TSHZ3: variants seen among roughly 807,000 people sequenced by gnomAD.
The protein encoded by TSHZ3 is teashirt homolog 3.
TSHZ3 carries 10 observed loss-of-function variants against 64.5 expected under a neutral mutation model. The observed-to-expected ratio is 0.16, with a 90% CI of 0.10 to 0.26. The LOEUF is 0.26. TSHZ3 is among the 10% of genes least tolerant of loss of function. TSHZ3 has a pLI of 1.00. For missense variants in TSHZ3, 1,242 were observed against 1,421.7 expected, an observed-to-expected ratio of 0.87 and a Z score of 2.03; for synonymous variants, 608 against 593.1, an observed-to-expected ratio of 1.03 and a Z score of -0.36.
intron 5 of TSHZ3, among the ~76,000 whole-genome samples, chr19:31,160,641 C>T (rs1487218571): frequency 1.3e-5 from 2 of 151,940 alleles, no homozygotes; most frequent in African/African-American, 4.8e-5. Flanking sequence ...CACACATATT[C>T]GCACACACAC....
rs781631523 is a variant in TSHZ3 at position 31,278,346 on chromosome 19, C to T, written c.1447G>A (p.Glu483Lys). Reference protein sequence around the residue: ...EVDKEKAVTDEKPKQKDKPGE... With the variant: ...EVDKEKAVTDKKPKQKDKPGE... ...GGCTTGTCTTTTTGCTTAGGTTTCT[C>T]GTCAGTGACCGCTTTCTCCTTGTCG... Residue 483 changes from glutamate to lysine, a missense_variant, in exon 2 of 2, where the codon GAG (glutamate) becomes AAG (lysine). Physicochemically the swap from Glu to Lys is moderately conservative, Grantham distance 56. This residue lies in a region of TSHZ3 where 555 missense variants were observed against 704.0 expected (regional missense o/e 0.79). Transcript: ENST00000240587. The surrounding 1 kb of genome is among the most constrained non-coding windows in gnomAD (Gnocchi z 4.7). The T allele has an allele frequency of 2.0e-5, 33 of 1,614,172 alleles. No individual in the cohort carries two copies. Among genetic ancestry groups the T allele is most frequent in the East Asian group, 6.7e-5 (3 of 44,872 alleles).
At chr19:31,283,217 CCA>C (rs1223129703) in intron 1 of TSHZ3, among the ~76,000 whole-genome samples, 3 of 152,104 alleles carry the variant, frequency 2.0e-5, no homozygotes, top group Non-Finnish European at 4.4e-5. Flanking sequence ...GCCTGCAGTC[CCA>C]GTTACTCCAG....
intron 6 of TSHZ3, among the ~76,000 whole-genome samples, chr19:31,154,628 C>T (rs2145096601): frequency 6.6e-6 from 1 of 152,298 alleles, no homozygotes; most frequent in African/African-American, 2.4e-5. Context: ...TGTTAACAGG[C>T]CCCAATCTCA....
At chr19:31,269,329 C>A (rs1053227687) in intron 1 of TSHZ3, among the ~76,000 whole-genome samples, 2 of 152,164 alleles carry the variant, frequency 1.3e-5, no homozygotes, top group African/African-American at 2.4e-5. Flanking sequence ...GAGCCGGGTC[C>A]TTCAGCTTTT....
At chr19:31,201,683 C>T (rs1161103198) in intron 5 of TSHZ3, among the ~76,000 whole-genome samples, 1 of 152,200 alleles carries the variant, frequency 6.6e-6, no homozygotes, top group East Asian at 1.9e-4. Context: ...CCACTGTATT[C>T]ATTCAACTGC....
chr19:31,272,313 A>G (rs1976154146), downstream of TSHZ3, among the ~76,000 whole-genome samples: 2 of 152,112 alleles, frequency 1.3e-5, no homozygotes, highest in Admixed American at 1.3e-4. Flanking sequence ...GGATCAGTGA[A>G]GTCACCTAGC....
At chr19:31,305,766 G>C (rs995821557) in intron 1 of TSHZ3, 1 of 152,176 alleles carries the variant, frequency 6.6e-6, no homozygotes, top group Non-Finnish European at 1.5e-5. Context: ...TGACTTTTCA[G>C]AGCAATGTTT....
At position 31,337,999 on chromosome 19, in the gene TSHZ3, T is replaced by C. The variant is rs141465145; in HGVS notation, c.40+11181A>G. ...GTAAGTCATACAACAAGCCTTTGAT[T>C]TCATTAGCAACCCCAAATAAAGTCA... On this transcript the variant is annotated intron_variant, in intron 1 of 1. Coordinates refer to ENST00000240587, the MANE Select transcript of TSHZ3 (RefSeq NM_020856.4). Among the ~76,000 whole-genome samples, 183 of 152,356 alleles carry C rather than the reference T, an allele frequency of 1.2e-3. 1 individual carries two copies. The East Asian group carries it at 0.03, about 25-fold the overall frequency.
At chr19:31,235,585 T>TTTTC (rs397707979) in intron 3 of TSHZ3, among the ~76,000 whole-genome samples, 12 of 139,872 alleles carry the variant, frequency 8.6e-5, no homozygotes, top group Non-Finnish European at 1.7e-4. Flanking sequence ...TCCTTCTCTT[T>TTTTC]TTTCTTTCTT....
intron 1 of TSHZ3, among the ~76,000 whole-genome samples, chr19:31,304,589 T>A (rs1976809040): frequency 6.6e-6 from 1 of 152,222 alleles, no homozygotes; most frequent in African/African-American, 2.4e-5. Context: ...AATTACTTTT[T>A]AGCACCGAGA....
chr19:31,345,592 T>C (rs1917566874), intron 1 of TSHZ3, among the ~76,000 whole-genome samples: 1 of 152,224 alleles, frequency 6.6e-6, no homozygotes, highest in Non-Finnish European at 1.5e-5. Context: ...TGCCTTGTTT[T>C]TACCACCTAA....
intron 3 of TSHZ3, among the ~76,000 whole-genome samples, chr19:31,235,666 C>G (rs1269540742): frequency 2.6e-5 from 2 of 75,934 alleles, no homozygotes; most frequent in East Asian, 6.6e-4. Context: ...CTTTCTATTT[C>G]TTTCTTCTTT....
At chr19:31,283,177 C>CA (rs1976395590) in intron 1 of TSHZ3, among the ~76,000 whole-genome samples, 1 of 151,988 alleles carries the variant, frequency 6.6e-6, no homozygotes, top group Non-Finnish European at 1.5e-5. Flanking sequence ...TACTAAAATA[C>CA]AAAAAAATTA....
chr19:31,291,798 G>A (rs936619652), intron 1 of TSHZ3, among the ~76,000 whole-genome samples: 3 of 152,196 alleles, frequency 2.0e-5, no homozygotes, highest in Non-Finnish European at 2.9e-5. Context: ...GTGTGCCCTG[G>A]AGGAGTGCTT....
At chr19:31,184,058 T>C (rs1020789632) in intron 5 of TSHZ3, among the ~76,000 whole-genome samples, 1 of 152,154 alleles carries the variant, frequency 6.6e-6, no homozygotes, top group South Asian at 2.1e-4. Context: ...GACCGTGATA[T>C]AGTCATAAAG....
intron 5 of TSHZ3, among the ~76,000 whole-genome samples, chr19:31,183,880 T>C (rs1974764187): frequency 6.6e-6 from 1 of 152,174 alleles, no homozygotes; most frequent in South Asian, 2.1e-4. Context: ...CGAACAGTCA[T>C]TTTTTTGAGC....
At chr19:31,271,166 C>A (rs186351006), downstream of TSHZ3, among the ~76,000 whole-genome samples, 91 of 152,256 alleles carry the variant, frequency 6.0e-4, 5 homozygotes, top group African/African-American at 2.1e-3. Flanking sequence ...AATCTATTGT[C>A]TTGGCAGGGC....
At chr19:31,215,870 C>CA (rs1230870157) in intron 4 of TSHZ3, among the ~76,000 whole-genome samples, 8 of 147,026 alleles carry the variant, frequency 5.4e-5, no homozygotes, top group Middle Eastern at 3.5e-3. Flanking sequence ...GACTCTGTCT[C>CA]AAAAAAAAAG....
chr19:31,215,058 G>A (rs1285448184), intron 4 of TSHZ3, among the ~76,000 whole-genome samples: 1 of 151,848 alleles, frequency 6.6e-6, no homozygotes, highest in African/African-American at 2.4e-5. Context: ...CAAAAATGAA[G>A]ATATTCGGTT....
Sources: gnomAD v4.1 joint callset for allele counts (sites outside exome capture counted in the v4.1 genomes callset) on GRCh38, gnomAD v4.1.1 for gene constraint, gnomAD v4.1.1 regional missense constraint, Gnocchi (gnomAD v3.1) non-coding constraint, MANE v1.5 for transcripts, NCBI Gene and HGNC (gene_info 2026-07-23, HGNC 2026-07-21) for gene names.